Variants in ZNF536 observed in about 807,000 individuals in gnomAD.
ZNF536 encodes the protein zinc finger protein 536.
ZNF536 carries 13 observed loss-of-function variants against 84.5 expected under a neutral mutation model. That is an observed-to-expected ratio of 0.15 (90% CI 0.10 to 0.24). ZNF536 has a LOEUF of 0.24. Among genes scored for constraint, ZNF536 ranks in the 10% least tolerant of loss-of-function variants. The pLI, the probability that ZNF536 is intolerant of heterozygous loss-of-function variation, is 1.00. For missense variants in ZNF536, 1,536 were observed against 1,747.5 expected (o/e 0.88, Z 2.16); for synonymous variants, 811 against 742.5 (o/e 1.09, Z -1.50).
intron 1 of ZNF536, among the ~76,000 whole-genome samples, chr19:30,258,723 T>A (rs2025040311): frequency 6.6e-6 from 1 of 151,466 alleles, no homozygotes. Flanking sequence ...ATTTATTTAT[T>A]TATTTAATTT....
At chr19:30,407,805 A>C (rs2050323522) in intron 1 of ZNF536, among the ~76,000 whole-genome samples, 1 of 152,210 alleles carries the variant, frequency 6.6e-6, no homozygotes, top group African/African-American at 2.4e-5. Flanking sequence ...TGAGTGCAAA[A>C]ACAATTGCAT....
rs149223384 is a variant in ZNF536, at chr19:30,432,006, T to TATATATATATATATATATATATATAC, written c.-2-11554_-2-11553insTATATATATATATATATATATATACA. Reference sequence around the variant, plus strand: ...TTCATTAAAAGCATATATATATATATACACACACACATACACACACACACA... The same window carrying TATATATATATATATATATATATATAC: ...TTCATTAAAAGCATATATATATATATATATATATATATATATATATATATACACACACACACATACACACACACACA... On this transcript the variant is annotated intron_variant, in intron 1 of 4. Transcript: ENST00000355537. 3.2e-3 allele frequency among the ~76,000 whole-genome samples: 469 copies of TATATATATATATATATATATATATAC among 145,560 alleles called. 2 individuals are homozygous for TATATATATATATATATATATATATAC. The highest frequency in any genetic ancestry group is 4.3e-3 in the South Asian group (19 of 4,460).
intron 2 of ZNF536, among the ~76,000 whole-genome samples, chr19:30,482,976 G>A (rs991413276): frequency 6.6e-6 from 1 of 152,108 alleles, no homozygotes; most frequent in African/African-American, 2.4e-5. Flanking sequence ...AGGAGCCTGG[G>A]GACACCACTC....
intron 2 of ZNF536, among the ~76,000 whole-genome samples, chr19:30,314,675 G>A (rs1302655512): frequency 6.6e-6 from 1 of 152,092 alleles, no homozygotes; most frequent in African/African-American, 2.4e-5. Flanking sequence ...CGGCTCGCTG[G>A]GGAGGTCCCT....
At chr19:30,677,730 T>C (rs2050803569) in intron 1 of ZNF536, among the ~76,000 whole-genome samples, 1 of 152,242 alleles carries the variant, frequency 6.6e-6, no homozygotes, top group Admixed American at 6.5e-5. Flanking sequence ...GCGATTTTTG[T>C]CTTTCCTGGC....
At chr19:30,449,049 C>A (rs1304626465) in intron 2 of ZNF536, among the ~76,000 whole-genome samples, 1 of 152,164 alleles carries the variant, frequency 6.6e-6, no homozygotes, top group Non-Finnish European at 1.5e-5. Context: ...TGCTGAGAAC[C>A]AAGCTTAAGA....
At chr19:30,437,494 G>T (rs2051804757) in intron 1 of ZNF536, among the ~76,000 whole-genome samples, 1 of 152,158 alleles carries the variant, frequency 6.6e-6, no homozygotes, top group East Asian at 1.9e-4. Flanking sequence ...GTGTGAAATT[G>T]CATTGTTCAA....
intron 2 of ZNF536, among the ~76,000 whole-genome samples, chr19:30,495,603 G>T (rs185351049): frequency 2.6e-5 from 4 of 152,276 alleles, no homozygotes; most frequent in Admixed American, 6.5e-5. Context: ...CACATGGAGC[G>T]TAGGCCCACA....
chr19:30,236,133 G>A (rs376668398), intron 1 of ZNF536, among the ~76,000 whole-genome samples: 38 of 152,374 alleles, frequency 2.5e-4, no homozygotes, highest in African/African-American at 8.2e-4. Flanking sequence ...GCCACATGCC[G>A]GCATGAAAGG....
At chr19:30,422,209 G>C (rs753287921) in intron 1 of ZNF536, among the ~76,000 whole-genome samples, 2 of 152,088 alleles carry the variant, frequency 1.3e-5, no homozygotes, top group Non-Finnish European at 2.9e-5. Context: ...AGCTACTGGA[G>C]AGTTTAGGAT....
rs2148161834 is a variant in ZNF536 at position 30,443,948 on chromosome 19, A to G, written c.386A>G (p.Lys129Arg). ...DIEDDARKNR[K>R]YPCPLCGKRF... ...GAGGACGACGCCCGCAAGAACCGCA[A>G]GTACCCGTGCCCACTCTGCGGCAAG... is the stretch of plus-strand genomic sequence containing the variant. Residue 129 changes from lysine to arginine, a missense_variant, in exon 2 of 5, where the codon AAG becomes AGG. Physicochemically the swap from Lys to Arg is conservative, Grantham distance 26 (BLOSUM62 2). This residue lies in a region of ZNF536 where 161 missense variants were observed against 178.5 expected (regional missense o/e 0.90). Transcript: ENST00000355537. 6.2e-7 allele frequency: 1 copy of G among 1,613,724 alleles called. No individual in the cohort carries two copies. The highest frequency in any genetic ancestry group is 1.1e-5 in the South Asian group (1 of 91,090).
chr19:30,545,946 G>T (rs959710067), intron 3 of ZNF536, among the ~76,000 whole-genome samples: 1 of 152,224 alleles, frequency 6.6e-6, no homozygotes, highest in South Asian at 2.1e-4. Flanking sequence ...GCACCTGCGG[G>T]CCTCACCTCT....
chr19:30,504,135 T>C (rs1203215640), intron 2 of ZNF536, among the ~76,000 whole-genome samples: 1 of 152,084 alleles, frequency 6.6e-6, no homozygotes, highest in Non-Finnish European at 1.5e-5. Flanking sequence ...GTTTACTAAG[T>C]GTGGAGAACT....
intron 1 of ZNF536, among the ~76,000 whole-genome samples, chr19:30,433,112 A>G (rs970080746): frequency 6.6e-6 from 1 of 152,158 alleles, no homozygotes; most frequent in South Asian, 2.1e-4. Flanking sequence ...GAGCATTACA[A>G]GCTCCATATA....
intron 2 of ZNF536, among the ~76,000 whole-genome samples, chr19:30,349,309 C>A (rs868006436): frequency 2.0e-5 from 3 of 152,164 alleles, no homozygotes; most frequent in Non-Finnish European, 2.9e-5. Flanking sequence ...GCCTGGGGCA[C>A]CTGTTGGTTC....
At chr19:30,626,186 C>T (rs1486606280) in intron 1 of ZNF536, among the ~76,000 whole-genome samples, 1 of 152,164 alleles carries the variant, frequency 6.6e-6, no homozygotes, top group Non-Finnish European at 1.5e-5. Flanking sequence ...TCACAGGTGT[C>T]AGACACACAC....
intron 1 of ZNF536, among the ~76,000 whole-genome samples, chr19:30,425,177 C>G (rs570354854): frequency 6.3e-4 from 96 of 151,852 alleles, no homozygotes; most frequent in Non-Finnish European, 5.2e-4. Flanking sequence ...CAAAATCTCA[C>G]AGTTCACCTC....
intron 1 of ZNF536, among the ~76,000 whole-genome samples, chr19:30,374,822 C>A (rs1185488607): frequency 1.3e-5 from 2 of 150,860 alleles, no homozygotes; most frequent in Admixed American, 6.6e-5. Flanking sequence ...GGGCGGATTG[C>A]GAGCCCCCGC....
intron 1 of ZNF536, among the ~76,000 whole-genome samples, chr19:30,695,249 G>T (rs932664662): frequency 6.6e-6 from 1 of 152,094 alleles, no homozygotes; most frequent in East Asian, 1.9e-4. Context: ...GAAGCCAAGT[G>T]CCAGGCTCTG....
Sources: allele counts gnomAD v4.1 joint callset (sites outside exome capture counted in the v4.1 genomes callset), GRCh38; gene constraint gnomAD v4.1.1; regional missense constraint gnomAD v4.1.1; transcripts MANE v1.5; gene names NCBI Gene and HGNC (gene_info 2026-07-23, HGNC 2026-07-21).